LASP1: variants seen among roughly 807,000 people sequenced by gnomAD.
LASP1 encodes LIM and SH3 domain protein 1.
A neutral mutation model predicts 38.6 loss-of-function variants in LASP1; 10 were observed. That is an observed-to-expected ratio of 0.26 (90% CI 0.16 to 0.44). The LOEUF (loss-of-function observed/expected upper bound fraction) is 0.44, where lower values mean the gene tolerates loss of function less well. Ranked by LOEUF, LASP1 falls within the 20% of genes least tolerant of loss-of-function variation. The pLI, the probability that LASP1 is intolerant of heterozygous loss-of-function variation, is 1.00. For missense variants in LASP1, 243 were observed against 375.7 expected (o/e 0.65, Z 2.92); for synonymous variants, 132 against 140.8 (o/e 0.94, Z 0.44).
chr17:38,889,121 T>TTTTTG (rs1406131977), intron 2 of LASP1, among the ~76,000 whole-genome samples: 4 of 152,160 alleles, frequency 2.6e-5, no homozygotes, highest in Non-Finnish European at 5.9e-5. Flanking sequence ...TGTTTGTTTT[T>TTTTTG]TTTTGTTTTG....
At chr17:38,890,353 G>C in intron 2 of LASP1, 67 bp from the exon 3 acceptor site, 1 of 1,457,380 alleles carries the variant, frequency 6.9e-7, no homozygotes. Flanking sequence ...GGCATGCTCT[G>C]TGAGAAGCCC....
At chr17:38,884,632 C>T (rs981545312) in intron 2 of LASP1, among the ~76,000 whole-genome samples, 6 of 151,224 alleles carry the variant, frequency 4.0e-5, no homozygotes, top group African/African-American at 4.9e-5. Flanking sequence ...TCAAGTGATC[C>T]GCCCACCTCA....
chr17:38,921,368 T>C lies in LASP1; in HGVS notation c.*2590T>C, dbSNP rs983435255. 1.3e-5 allele frequency: 3 copies of C among 232,692 alleles called. No homozygotes were observed. The highest frequency in any genetic ancestry group is 6.1e-5 in the East Asian group (1 of 16,436). 14.4% of individuals were successfully genotyped at this position (232,692 alleles called of 1,614,324 possible). ...TGCGTTCTCCCAGCACTGCCTCCTG[T>C]TTTCTCCCTCTCATGTCCCTCCAGG... On this transcript the variant is annotated 3_prime_UTR_variant, in exon 7 of 7. Coordinates refer to ENST00000318008, the MANE Select transcript of LASP1 (RefSeq NM_006148.4).
intron 4 of LASP1, among the ~76,000 whole-genome samples, chr17:38,909,336 G>A (rs903762472): frequency 2.6e-5 from 4 of 152,142 alleles, no homozygotes; most frequent in African/African-American, 7.2e-5. Flanking sequence ...GGCTGGGCAC[G>A]GTGGCTCACG....
Position 38,914,948 on chromosome 17 carries a change from G to A in LASP1, c.509-95G>A, listed in dbSNP as rs772110677. Reference sequence around the variant, plus strand: ...GTGGGGCTTGAGCCAGGTTGGGGGCGGGGTGGAAGTGCATGGTATGGACTT... The same window carrying A: ...GTGGGGCTTGAGCCAGGTTGGGGGCAGGGTGGAAGTGCATGGTATGGACTT... On this transcript the variant is annotated intron_variant, in intron 5 of 6. Coordinates refer to ENST00000318008, the MANE Select transcript of LASP1 (RefSeq NM_006148.4). 5.3e-5 allele frequency: 58 copies of A among 1,098,824 alleles called. No individual in the cohort carries two copies. The Middle Eastern group carries it at 6.0e-4, about 11-fold the overall frequency. The allele number at this position is 1,098,824 out of a possible 1,614,324, so 68.1% of individuals were successfully genotyped here.
intron 1 of LASP1, among the ~76,000 whole-genome samples, chr17:38,871,915 C>G (rs1199989939): frequency 6.6e-6 from 1 of 152,136 alleles, no homozygotes; most frequent in Non-Finnish European, 1.5e-5. Flanking sequence ...GAGAATGTAC[C>G]TGTCCTTGCA....
chr17:38,892,959 A>G (rs567471369), intron 3 of LASP1, among the ~76,000 whole-genome samples: 8 of 151,482 alleles, frequency 5.3e-5, no homozygotes, highest in South Asian at 2.1e-4. Context: ...CCGTGTGTGT[A>G]TGTGTGTGTG....
intron 4 of LASP1, chr17:38,899,137 C>T: frequency 4.1e-6 from 1 of 246,612 alleles, no homozygotes; most frequent in East Asian, 9.6e-5. Flanking sequence ...GCACCTGTGG[C>T]CAGAGAACAG....
At chr17:38,877,825 C>T (rs539029703) in intron 1 of LASP1, among the ~76,000 whole-genome samples, 1 of 152,176 alleles carries the variant, frequency 6.6e-6, no homozygotes, top group Non-Finnish European at 1.5e-5. Flanking sequence ...GGGCTCTTCC[C>T]CCCTGTCCTT....
In LASP1 at chr17:38,914,896, G is replaced by A. The variant is rs1915070548; in HGVS notation, c.509-147G>A. The A allele has an allele frequency of 6.9e-6, 5 of 721,000 alleles. No individual in the cohort carries two copies. The East Asian group carries it at 1.3e-4, about 18-fold the overall frequency. The allele number at this position is 721,000 out of a possible 1,614,324, so 44.7% of individuals were successfully genotyped here. On this transcript the variant is annotated intron_variant, in intron 5 of 6. Coordinates refer to ENST00000318008, the MANE Select transcript of LASP1 (RefSeq NM_006148.4). ...TGGGATACAACACACAGGCAAATGT[G>A]CACACGTGGACATCAGCCTTTGAGC... is the stretch of plus-strand genomic sequence containing the variant.
intron 4 of LASP1, among the ~76,000 whole-genome samples, chr17:38,899,986 T>C (rs1914594970): frequency 6.6e-6 from 1 of 151,732 alleles, no homozygotes; most frequent in African/African-American, 2.4e-5. Context: ...CGCCTTGGCC[T>C]CCCAAAGTGC....
chr17:38,879,564 GTT>G (rs566442320), intron 2 of LASP1, among the ~76,000 whole-genome samples: 1 of 135,850 alleles, frequency 7.4e-6, no homozygotes, highest in Non-Finnish European at 1.6e-5. Context: ...CTTGAGTCCA[GTT>G]TTTTTTTTTT....
intron 4 of LASP1, chr17:38,903,868 T>TC (rs1914709503): frequency 6.6e-6 from 1 of 152,234 alleles, no homozygotes; most frequent in African/African-American, 2.4e-5. Context: ...AGTTGTGTCA[T>TC]CATTAAAGGC....
At chr17:38,908,109 C>T (rs572245135) in intron 4 of LASP1, among the ~76,000 whole-genome samples, 1 of 152,194 alleles carries the variant, frequency 6.6e-6, no homozygotes, top group Non-Finnish European at 1.5e-5. Flanking sequence ...ATGCAGATAG[C>T]GTCATGTCCA....
chr17:38,890,423 C>T lies in LASP1; in HGVS notation c.168C>T (p.His56=). The T allele has an allele frequency of 1.2e-6, 2 of 1,614,046 alleles. No individual in the cohort carries two copies. Among genetic ancestry groups the T allele is most frequent in the Middle Eastern group, 1.6e-4 (1 of 6,062 alleles). The change falls in exon 3 of 7, where the codon CAC becomes CAT. Residue 56 remains histidine, a synonymous_variant. Coordinates refer to ENST00000318008, the MANE Select transcript of LASP1 (RefSeq NM_006148.4). The part of the protein sequence containing the change: ...GYEKKPYCNA[H]YPKQSFTMVA... ...CTCTGTTTTTTCTGTCCTGCAGACA[C>T]TACCCCAAGCAGTCCTTCACCATGG...
At chr17:38,897,189 G>A (rs1914513192) in intron 3 of LASP1, 5 of 616,724 alleles carry the variant, frequency 8.1e-6, no homozygotes, top group Non-Finnish European at 8.1e-6. Context: ...GAAGGAGAGG[G>A]AACCACATGG....
chr17:38,908,820 G>C (rs929412203), intron 4 of LASP1, among the ~76,000 whole-genome samples: 1 of 152,226 alleles, frequency 6.6e-6, no homozygotes, highest in Non-Finnish European at 1.5e-5. Context: ...TGTAAGCCCT[G>C]CCTGGCCACG....
intron 4 of LASP1, among the ~76,000 whole-genome samples, chr17:38,908,673 G>A (rs756049446): frequency 2.0e-4 from 30 of 152,298 alleles, no homozygotes; most frequent in Non-Finnish European, 2.8e-4. Context: ...TGCCCTCTGC[G>A]TCCAGACTGG....
At chr17:38,897,608 C>CT (rs144985713) in intron 3 of LASP1, among the ~76,000 whole-genome samples, 20 of 152,332 alleles carry the variant, frequency 1.3e-4, no homozygotes, top group African/African-American at 4.8e-4. Context: ...TTTCTGATGT[C>CT]TGACTTGAGT....
Sources: allele counts gnomAD v4.1 joint callset (sites outside exome capture counted in the v4.1 genomes callset), GRCh38; gene constraint gnomAD v4.1.1; transcripts MANE v1.5; gene names NCBI Gene and HGNC (gene_info 2026-07-23, HGNC 2026-07-21).